The following CADM1 variants were observed in gnomAD, a reference collection of about 807,000 sequenced individuals.
The protein encoded by CADM1 is cell adhesion molecule 1.
A neutral mutation model predicts 53.1 loss-of-function variants in CADM1; 15 were observed. The ratio of observed to expected loss-of-function variants is 0.28; its 90% CI spans 0.19 to 0.44. The LOEUF is 0.44. CADM1 is among the 20% of genes least tolerant of loss of function. The probability of loss-of-function intolerance (pLI) is 1.00; values close to 1 mark genes in which losing one functional copy is unlikely to be tolerated. For synonymous variants in CADM1, 281 were observed against 243.0 expected, an observed-to-expected ratio of 1.16 and a Z score of -1.45; for missense variants, 434 against 611.3, an observed-to-expected ratio of 0.71 and a Z score of 3.06.
At chr11:115,341,972 CT>C (rs1945460909) in intron 1 of CADM1, among the ~76,000 whole-genome samples, 1 of 152,118 alleles carries the variant, frequency 6.6e-6, no homozygotes, top group Non-Finnish European at 1.5e-5. Context: ...TTACTTCTTG[CT>C]TATCAACATA....
chr11:115,454,037 T>C (rs777528315), intron 1 of CADM1, among the ~76,000 whole-genome samples: 11 of 150,572 alleles, frequency 7.3e-5, no homozygotes, highest in Non-Finnish European at 1.6e-4. Flanking sequence ...TCATTTTTTC[T>C]AAAATGTTCT....
chr11:115,187,395 C>A (rs1418140739), intron 10 of CADM1, among the ~76,000 whole-genome samples: 1 of 152,168 alleles, frequency 6.6e-6, no homozygotes, highest in Non-Finnish European at 1.5e-5. Flanking sequence ...ATCAAAAGAG[C>A]TTTAAGTGCT....
At chr11:115,319,285 G>A (rs532401337) in intron 1 of CADM1, among the ~76,000 whole-genome samples, 25 of 152,178 alleles carry the variant, frequency 1.6e-4, no homozygotes, top group African/African-American at 6.0e-4. Flanking sequence ...GCTCTTCTTT[G>A]TCTTTCCTGC....
intron 8 of CADM1, among the ~76,000 whole-genome samples, chr11:115,204,335 T>G (rs1054071362): frequency 1.3e-5 from 2 of 152,166 alleles, no homozygotes; most frequent in Non-Finnish European, 2.9e-5. Flanking sequence ...TGCGGCACCT[T>G]CTGCCTGTGC....
chr11:115,316,961 A>C (rs1468072545), intron 1 of CADM1, among the ~76,000 whole-genome samples: 5 of 152,210 alleles, frequency 3.3e-5, no homozygotes, highest in African/African-American at 1.2e-4. Context: ...TTATGAAATT[A>C]CTCCACAAAA....
chr11:115,252,492 A>G (rs926475523), intron 1 of CADM1, among the ~76,000 whole-genome samples: 1 of 152,270 alleles, frequency 6.6e-6, no homozygotes, highest in African/African-American at 2.4e-5. Context: ...AAATATCTTT[A>G]TCAAACATTT....
At chr11:115,499,359 A>G (rs1247818095) in intron 1 of CADM1, among the ~76,000 whole-genome samples, 1 of 152,182 alleles carries the variant, frequency 6.6e-6, no homozygotes, top group Admixed American at 6.5e-5. Context: ...TTTCTCCCCT[A>G]TGAAGGTGCT....
chr11:115,321,482 T>C (rs1301956571), intron 1 of CADM1, among the ~76,000 whole-genome samples: 2 of 152,214 alleles, frequency 1.3e-5, no homozygotes, highest in African/African-American at 2.4e-5. Flanking sequence ...AGCACTTTAA[T>C]ACATGCAAAT....
At chr11:115,438,736 T>C (rs11215559) in intron 1 of CADM1, among the ~76,000 whole-genome samples, 1 of 152,318 alleles carries the variant, frequency 6.6e-6, no homozygotes, top group East Asian at 1.9e-4. Context: ...AAAAGGTCCA[T>C]TTATAGAATG....
At position 115,504,390 on chromosome 11, in the gene CADM1, G is replaced by C; in HGVS notation, c.5C>G (p.Ala2Gly). The C allele has an allele frequency of 6.5e-7, 1 of 1,545,714 alleles. No individual in the cohort carries two copies. The highest frequency in any genetic ancestry group is 1.2e-5 in the South Asian group (1 of 83,948). M[A>G]SVVLPSGSQC... Reference sequence around the variant, plus strand: ...GGATCCGCTCGGCAGCACTACACTCGCCATGTCGGGCACCTGCCTCAGACT... The same window carrying C: ...GGATCCGCTCGGCAGCACTACACTCCCCATGTCGGGCACCTGCCTCAGACT... Residue 2 changes from alanine (A) to glycine (G), a missense_variant, in exon 1 of 12, where the codon GCG becomes GGG. Ala to Gly is a moderately conservative substitution (Grantham distance 60). Coordinates refer to ENST00000331581, the MANE Select transcript of CADM1 (RefSeq NM_001301043.2).
At chr11:115,250,310 T>C (rs555802862) in intron 1 of CADM1, among the ~76,000 whole-genome samples, 2 of 152,338 alleles carry the variant, frequency 1.3e-5, no homozygotes, top group South Asian at 4.1e-4. Flanking sequence ...TATATCCTAA[T>C]TTTAAGTACC....
chr11:115,294,236 G>A (rs1272536539), intron 1 of CADM1, among the ~76,000 whole-genome samples: 1 of 152,124 alleles, frequency 6.6e-6, no homozygotes, highest in Non-Finnish European at 1.5e-5. Flanking sequence ...GCCTTCTCAA[G>A]TCATGCATTT....
rs188563615 is a variant in CADM1, at chr11:115,215,718, C to G, written c.822-938G>C. Among the ~76,000 whole-genome samples the G allele has an allele frequency of 4.4e-3, 668 of 152,352 alleles. 5 individuals are homozygous for G. The highest frequency in any genetic ancestry group is 0.013 in the African/African-American group (555 of 41,588). ...CAAGTATCTTTTGAAAACTTCCATTCTTCAAGGCACTTCCCTCAACCTCCT... is the reference window on the plus strand; with the variant it reads ...CAAGTATCTTTTGAAAACTTCCATTGTTCAAGGCACTTCCCTCAACCTCCT... On this transcript the variant is annotated intron_variant, in intron 6 of 11. Coordinates refer to ENST00000331581, the MANE Select transcript of CADM1 (RefSeq NM_001301043.2).
chr11:115,265,128 C>T (rs377711400), intron 1 of CADM1, among the ~76,000 whole-genome samples: 1 of 152,196 alleles, frequency 6.6e-6, no homozygotes, highest in Non-Finnish European at 1.5e-5. Context: ...ACATGCCCCT[C>T]CCCTTCTTGA....
intron 1 of CADM1, among the ~76,000 whole-genome samples, chr11:115,478,186 G>A (rs539004405): frequency 9.9e-5 from 15 of 151,910 alleles, no homozygotes; most frequent in Non-Finnish European, 2.1e-4. Flanking sequence ...TGTATATGGA[G>A]ATCATATAAT....
intron 1 of CADM1, among the ~76,000 whole-genome samples, chr11:115,405,453 A>G (rs1378941969): frequency 6.6e-6 from 1 of 152,226 alleles, no homozygotes; most frequent in African/African-American, 2.4e-5. Flanking sequence ...AAGCAACTCC[A>G]CTTCCAGGTG....
intron 1 of CADM1, among the ~76,000 whole-genome samples, chr11:115,302,433 G>C (rs559057589): frequency 6.6e-6 from 1 of 152,054 alleles, no homozygotes; most frequent in African/African-American, 2.4e-5. Flanking sequence ...ATATATCAAA[G>C]AAACTTGATG....
intron 10 of CADM1, among the ~76,000 whole-genome samples, chr11:115,188,210 G>A (rs1939670456): frequency 6.6e-6 from 1 of 152,142 alleles, no homozygotes; most frequent in South Asian, 2.1e-4. Context: ...TTCCACATGA[G>A]TGGCAATAAC....
chr11:115,267,984 G>T (rs920989550), intron 1 of CADM1, among the ~76,000 whole-genome samples: 1 of 152,192 alleles, frequency 6.6e-6, no homozygotes. Context: ...AGAATATATC[G>T]TTAACACATC....
Sources: allele counts gnomAD v4.1 joint callset (sites outside exome capture counted in the v4.1 genomes callset), GRCh38; gene constraint gnomAD v4.1.1; transcripts MANE v1.5; gene names NCBI Gene and HGNC (gene_info 2026-07-23, HGNC 2026-07-21).